SLC30A5: variants seen among roughly 807,000 people sequenced by gnomAD.
SLC30A5 encodes the protein proton-coupled zinc antiporter SLC30A5.
SLC30A5 carries 33 observed loss-of-function variants against 79.6 expected under a neutral mutation model. That is an observed-to-expected ratio of 0.41 (90% CI 0.31 to 0.55). The LOEUF is 0.55. Among genes scored for constraint, SLC30A5 ranks in the 20% least tolerant of loss-of-function variants. The pLI, the probability that SLC30A5 is intolerant of heterozygous loss-of-function variation, is 0.20. For synonymous variants in SLC30A5, 299 were observed against 319.7 expected (o/e 0.94, Z 0.69); for missense variants, 788 against 928.1 (o/e 0.85, Z 1.96).
chr5:69,121,155 A>G (rs1036516037), intron 12 of SLC30A5, among the ~76,000 whole-genome samples: 4 of 152,202 alleles, frequency 2.6e-5, no homozygotes, highest in Non-Finnish European at 4.4e-5. Flanking sequence ...ATTTGTTTTT[A>G]ATTTAAATAA....
At chr5:69,118,463 C>A in intron 11 of SLC30A5, 36 bp from the exon 12 acceptor site, 1 of 1,565,738 alleles carries the variant, frequency 6.4e-7, no homozygotes, top group South Asian at 1.2e-5. Flanking sequence ...AAATATTTGT[C>A]CTTTTCCTTT....
At position 69,094,134 on chromosome 5, in the gene SLC30A5, A is replaced by C. The variant is rs1745645438; in HGVS notation, c.-122A>C. ...CGGCGGCAGTGGCGGCCCGGCCTGC[A>C]GGAGCCCGACGGGGTCTCTGCCATG... On this transcript the variant is annotated 5_prime_UTR_variant, in exon 1 of 16. Coordinates refer to ENST00000396591, the MANE Select transcript of SLC30A5 (RefSeq NM_022902.5). The C allele has an allele frequency of 2.1e-6, 1 of 485,336 alleles. No individual in the cohort carries two copies. The highest frequency in any genetic ancestry group is 3.4e-6 in the Non-Finnish European group (1 of 296,002). 30.1% of individuals were successfully genotyped at this position (485,336 alleles called of 1,614,324 possible). A position where few individuals can be genotyped will look rare whatever the true frequency, so the allele number is the denominator to read the frequency against.
chr5:69,113,458 T>C (rs570277790), intron 6 of SLC30A5, among the ~76,000 whole-genome samples: 38 of 152,134 alleles, frequency 2.5e-4, no homozygotes, highest in African/African-American at 8.9e-4. Flanking sequence ...TTCAGAAATG[T>C]AGGGACATTG....
In SLC30A5 at chr5:69,115,918, A is replaced by T. The variant is rs1294112781; in HGVS notation, c.784-8A>T. On this transcript the variant is annotated splice_polypyrimidine_tract_variant and splice_region_variant and intron_variant, in intron 8 of 15. Coordinates refer to ENST00000396591, the MANE Select transcript of SLC30A5 (RefSeq NM_022902.5). ...ATAGTCTTGACAATTCTTTTTTTTA[A>T]TTTCTAGAGTAAAGTGGAGTCTTGG... The T allele has an allele frequency of 2.5e-6, 4 of 1,585,666 alleles. No homozygotes were observed. The highest frequency in any genetic ancestry group is 1.7e-4 in the Middle Eastern group (1 of 5,856).
intron 4 of SLC30A5, among the ~76,000 whole-genome samples, chr5:69,105,842 G>A (rs1211128889): frequency 6.6e-6 from 1 of 152,198 alleles, no homozygotes; most frequent in East Asian, 1.9e-4. Context: ...ATGGGAGCAG[G>A]AACCCTGTTG....
At chr5:69,100,110 A>G (rs1270541190) in intron 1 of SLC30A5, among the ~76,000 whole-genome samples, 1 of 152,110 alleles carries the variant, frequency 6.6e-6, no homozygotes, top group African/African-American at 2.4e-5. Flanking sequence ...CTGGAATTAC[A>G]GGCACCCGCC....
Position 69,115,320 on chromosome 5 carries a change from T to C in SLC30A5, c.696T>C (p.Gly232=). 1 of 1,613,982 alleles carries C rather than the reference T, an allele frequency of 6.2e-7. No homozygotes were observed. The part of the protein sequence containing the change: ...TASRKLSVDV[G]GAKRLQALSH... ...CCAGAAAGCTCTCTGTCGACGTTGG[T>C]GGAGCTAAACGTCTTCAAGCTTTAT... The change falls in exon 8 of 16, where the codon GGT becomes GGC. Residue 232 remains glycine, a synonymous_variant. Transcript: ENST00000396591.
chr5:69,118,738 C>A, intron 12 of SLC30A5, 110 bp downstream of exon 12: 1 of 759,236 alleles, frequency 1.3e-6, no homozygotes, highest in Non-Finnish European at 1.9e-6. Flanking sequence ...TTATTTTTTA[C>A]TTATATCAAC....
rs1328987148 is a variant in SLC30A5, at chr5:69,121,878, T to C, written c.1754T>C (p.Met585Thr). Residue 585 changes from methionine (M) to threonine (T), a missense_variant, in exon 13 of 16, where the codon ATG (methionine) becomes ACG (threonine). Met to Thr is a moderately conservative substitution (Grantham distance 81, BLOSUM62 -1). Transcript: ENST00000396591. ...AGCCACGGATCTGCGGGTGGAGGCA[T>C]GAATGCTAACATGAGGGGTGAGTCC... is the stretch of plus-strand genomic sequence containing the variant. The part of the protein sequence containing the change: ...GHSHGSAGGG[M>T]NANMRGVFLH... The C allele has an allele frequency of 1.9e-6, 3 of 1,613,378 alleles. No individual in the cohort carries two copies. Among genetic ancestry groups the C allele is most frequent in the Non-Finnish European group, 2.5e-6 (3 of 1,179,806 alleles).
At position 69,125,779 on chromosome 5, in the gene SLC30A5, CAGTG is replaced by C. The variant is rs1170553599; in HGVS notation, c.1999-2222_1999-2219del. On this transcript the variant is annotated intron_variant, in intron 14 of 15. Transcript: ENST00000396591. ...GCATGAACCTGGGAGGCGGAGCTTG[CAGTG>C]AGCCATGAACCTGGGAGGCGGAGCT... 2.5e-4 allele frequency among the ~76,000 whole-genome samples: 13 copies of C among 52,436 alleles called. No homozygotes were observed. The Admixed American group carries it at 2.6e-3, about 10-fold the overall frequency. The allele number at this position is 52,436 out of a possible 152,430, so 34.4% of individuals were successfully genotyped here. A position where few individuals can be genotyped will look rare whatever the true frequency, so the allele number is the denominator to read the frequency against.
At chr5:69,104,742 G>T (rs547854172) in intron 4 of SLC30A5, 26 bp downstream of exon 4, 1 of 1,592,170 alleles carries the variant, frequency 6.3e-7, no homozygotes, top group Non-Finnish European at 8.5e-7. Context: ...TATTTTGAAT[G>T]TGTGTTTGTA....
At position 69,095,196 on chromosome 5, in the gene SLC30A5, C is replaced by CTTTTTTT. The variant is rs371189827; in HGVS notation, c.83+874_83+880dup. On this transcript the variant is annotated intron_variant, in intron 1 of 15. Transcript: ENST00000396591. Reference sequence around the variant, plus strand: ...CTGTAGTAATAGCATTATAACGTAACTTTTTTTTTTTTTTTTTTTTTTGAG... The same window carrying CTTTTTTT: ...CTGTAGTAATAGCATTATAACGTAACTTTTTTTTTTTTTTTTTTTTTTTTTTTTTGAG... Among the ~76,000 whole-genome samples, 28 of 112,308 alleles carry CTTTTTTT rather than the reference C, an allele frequency of 2.5e-4. 2 individuals carry two copies. The highest frequency in any genetic ancestry group is 3.3e-4 in the Non-Finnish European group (19 of 57,732). 73.7% of individuals were successfully genotyped at this position (112,308 alleles called of 152,430 possible).
chr5:69,104,373 C>T (rs1286987044), intron 3 of SLC30A5: 2 of 838,040 alleles, frequency 2.4e-6, no homozygotes, highest in South Asian at 4.6e-5. Context: ...AACTCCTGAC[C>T]TCAGGTGATC....
intron 15 of SLC30A5, 91 bp downstream of exon 15, chr5:69,128,223 C>A: frequency 3.9e-4 from 242 of 626,702 alleles, no homozygotes; most frequent in Non-Finnish European, 5.6e-4. Flanking sequence ...TAGTCATTTA[C>A]TATTCAGAAA....
intron 3 of SLC30A5, chr5:69,104,191 G>A (rs1249752653): frequency 1.0e-6 from 1 of 989,882 alleles, no homozygotes; most frequent in Non-Finnish European, 1.4e-6. Context: ...AGGCTGCAGT[G>A]CAGTGACACG....
Position 69,115,393 on chromosome 5 carries a change from T to C in SLC30A5, c.769T>C (p.Ser257Pro). ...LLLCPWVIVL[S>P]VTTESKVESW... ...CTTGTGCCCATGGGTCATTGTTCTTTCTGTGACAACTGAGGTAAGATAAGA... is the reference window on the plus strand; with the variant it reads ...CTTGTGCCCATGGGTCATTGTTCTTCCTGTGACAACTGAGGTAAGATAAGA... The change falls in exon 8 of 16, where the codon TCT (serine) becomes CCT (proline). Residue 257 changes from serine to proline, a missense_variant. Around this residue, in one of 3 missense-constraint regions of SLC30A5, gnomAD observed 626 missense variants for 755.5 expected, o/e 0.83. Coordinates refer to ENST00000396591, the MANE Select transcript of SLC30A5 (RefSeq NM_022902.5). The C allele has an allele frequency of 1.2e-6, 2 of 1,612,758 alleles. No homozygotes were observed. Among genetic ancestry groups the C allele is most frequent in the Non-Finnish European group, 1.7e-6 (2 of 1,179,128 alleles).
rs371041170 is a variant in SLC30A5, at chr5:69,116,004, G to T, written c.862G>T (p.Val288Leu). 1 of 1,613,798 alleles carries T rather than the reference G, an allele frequency of 6.2e-7. No homozygotes were observed. The highest frequency in any genetic ancestry group is 2.2e-5 in the East Asian group (1 of 44,872). Residue 288 changes from valine (V) to leucine (L), a missense_variant, in exon 9 of 16, where the codon GTG (valine) becomes TTG (leucine). Val to Leu is a conservative substitution (Grantham distance 32, BLOSUM62 1). Coordinates refer to ENST00000396591, the MANE Select transcript of SLC30A5 (RefSeq NM_022902.5). The surrounding 1 kb of genome is among the most constrained non-coding windows in gnomAD (Gnocchi z 4.0). ...IFFVMILDFY[V>L]DSICSVKMEV... The stretch of plus-strand genomic sequence containing the variant: ...TTTTGTCATGATCCTGGATTTCTAC[G>T]TGGATTCCATTTGTTCAGTCAAAAT...
intron 11 of SLC30A5, among the ~76,000 whole-genome samples, chr5:69,118,093 T>C (rs1385348211): frequency 7.0e-6 from 1 of 142,922 alleles, no homozygotes; most frequent in African/African-American, 2.6e-5. Flanking sequence ...AGGAGAATGG[T>C]GTGAACCCAG....
chr5:69,098,380 G>A (rs1436624712), intron 1 of SLC30A5, among the ~76,000 whole-genome samples: 1 of 152,084 alleles, frequency 6.6e-6, no homozygotes, highest in Admixed American at 6.6e-5. Flanking sequence ...ACAAAAATTA[G>A]CCTGACATGG....
Sources: gnomAD v4.1 joint callset for allele counts (sites outside exome capture counted in the v4.1 genomes callset) on GRCh38, gnomAD v4.1.1 for gene constraint, gnomAD v4.1.1 regional missense constraint, Gnocchi (gnomAD v3.1) non-coding constraint, MANE v1.5 for transcripts, NCBI Gene and HGNC (gene_info 2026-07-23, HGNC 2026-07-21) for gene names.